The following CLASRP variants were observed in gnomAD, a reference collection of about 807,000 sequenced individuals.
CLASRP encodes the protein CLK4-associating serine/arginine rich protein.
A neutral mutation model predicts 99.9 loss-of-function variants in CLASRP; 52 were observed. The ratio of observed to expected loss-of-function variants is 0.52; its 90% CI spans 0.42 to 0.66. The LOEUF (loss-of-function observed/expected upper bound fraction) is 0.66, where lower values mean the gene tolerates loss of function less well. CLASRP is among the 30% of genes least tolerant of loss of function. The probability of loss-of-function intolerance (pLI) is 0.00; values close to 1 mark genes in which losing one functional copy is unlikely to be tolerated. For missense variants in CLASRP, 848 were observed against 999.2 expected (o/e 0.85, Z 2.04); for synonymous variants, 379 against 373.0 (o/e 1.02, Z -0.18).
At chr19:45,069,322 C>A in intron 18 of CLASRP, 74 bp downstream of exon 18, 1 of 1,476,926 alleles carries the variant, frequency 6.8e-7, no homozygotes, top group Non-Finnish European at 9.4e-7. Flanking sequence ...GGGCTGCTGG[C>A]TCAAGCCCTG....
intron 15 of CLASRP, 176 bp from the exon 16 acceptor site, chr19:45,068,244 C>T: frequency 1.5e-6 from 1 of 663,028 alleles, no homozygotes; most frequent in Non-Finnish European, 2.8e-6. Context: ...ACTGGGGCTC[C>T]ACCTGTCACT....
chr19:45,057,443 G>C (rs541850913), intron 6 of CLASRP, among the ~76,000 whole-genome samples: 1 of 152,332 alleles, frequency 6.6e-6, no homozygotes, highest in East Asian at 1.9e-4. Flanking sequence ...GCCCTTGTGG[G>C]ACTCATGGTC....
rs757098464 is a variant in CLASRP, at chr19:45,070,084, G to A, written c.1937G>A (p.Arg646His). Residue 646 changes from arginine (R) to histidine (H), a missense_variant, in exon 19 of 21, where the codon CGC becomes CAC. By Grantham distance (29) the Arg-to-His change is conservative. This residue lies in a region of CLASRP where 116 missense variants were observed against 162.7 expected (regional missense o/e 0.71). Transcript: ENST00000221455. Reference sequence around the variant, plus strand: ...GAACGCCAGTACAGCCGGCAGAGCCGCTCACCCTCCCCCCGATACAGTGAG... The same window carrying A: ...GAACGCCAGTACAGCCGGCAGAGCCACTCACCCTCCCCCCGATACAGTGAG... ...EWERQYSRQSRSPSPRYSREY... is the reference protein window; with the variant it reads ...EWERQYSRQSHSPSPRYSREY... 9 of 1,599,066 alleles carry A rather than the reference G, an allele frequency of 5.6e-6. No homozygotes were observed. Among genetic ancestry groups the A allele is most frequent in the Non-Finnish European group, 7.7e-6 (9 of 1,166,448 alleles).
rs1165324909 is a variant in CLASRP at position 45,067,253 on chromosome 19, G to C, written c.1410-84G>C. On this transcript the variant is annotated intron_variant, in intron 13 of 20. Transcript: ENST00000221455. The surrounding 1 kb of genome is among the most constrained non-coding windows in gnomAD (Gnocchi z 4.9). Reference sequence around the variant, plus strand: ...GTCACCCTGGGCCTTGCAGGAAGGAGGACTGTGGATCCGGACCCAGGGTGG... The same window carrying C: ...GTCACCCTGGGCCTTGCAGGAAGGACGACTGTGGATCCGGACCCAGGGTGG... 1 of 1,397,928 alleles carries C rather than the reference G, an allele frequency of 7.2e-7. No individual in the cohort carries two copies. The highest frequency in any genetic ancestry group is 9.4e-7 in the Non-Finnish European group (1 of 1,064,908). 86.6% of individuals were successfully genotyped at this position (1,397,928 alleles called of 1,614,324 possible). A position where few individuals can be genotyped will look rare whatever the true frequency, so the allele number is the denominator to read the frequency against.
intron 6 of CLASRP, 82 bp from the exon 7 acceptor site, chr19:45,057,668 A>T: frequency 6.6e-7 from 1 of 1,522,952 alleles, no homozygotes; most frequent in Non-Finnish European, 9.0e-7. Context: ...GGGCCGTGGC[A>T]CTCGAGACTG....
At chr19:45,040,501 T>C in intron 2 of CLASRP, 190 bp downstream of exon 2, 1 of 493,366 alleles carries the variant, frequency 2.0e-6, no homozygotes, top group African/African-American at 2.0e-5. Flanking sequence ...TGTAGCATAC[T>C]GTGTCGTTTG....
chr19:45,047,048 G>C (rs960204591), intron 2 of CLASRP, among the ~76,000 whole-genome samples: 1 of 151,964 alleles, frequency 6.6e-6, no homozygotes, highest in African/African-American at 2.4e-5. Context: ...AGTGGATTTT[G>C]GATCTTGAAG....
chr19:45,065,983 A>G (rs1967077747), intron 13 of CLASRP, among the ~76,000 whole-genome samples: 2 of 152,290 alleles, frequency 1.3e-5, no homozygotes, highest in Non-Finnish European at 2.9e-5. Context: ...GGGGCCAGGT[A>G]GAGATCCTGC....
intron 19 of CLASRP, 31 bp downstream of exon 19, chr19:45,070,135 G>A: frequency 1.5e-6 from 2 of 1,369,160 alleles, no homozygotes. Context: ...GCAGGGCTCT[G>A]GGGCTTTAAA....
At position 45,070,566 on chromosome 19, in the gene CLASRP, G is replaced by A. The variant is rs1967217244; in HGVS notation, c.1982+5G>A. 2 of 1,613,066 alleles carry A rather than the reference G, an allele frequency of 1.2e-6. No homozygotes were observed. The highest frequency in any genetic ancestry group is 1.1e-5 in the South Asian group (1 of 91,070). ...AGAATACAGCTCTTCTCGAAGGTAA[G>A]GAAGCCCATGACCCTCCACTTTCTT... On this transcript the variant is annotated splice_donor_5th_base_variant and intron_variant, in intron 20 of 20. Coordinates refer to ENST00000221455, the MANE Select transcript of CLASRP (RefSeq NM_007056.3).
chr19:45,047,330 T>C (rs1971937857), intron 2 of CLASRP: 1 of 149,554 alleles, frequency 6.7e-6, no homozygotes, highest in African/African-American at 2.5e-5. Context: ...AAACCTTGCT[T>C]GAGCCCAGGA....
At chr19:45,046,182 G>A (rs1437295085) in intron 2 of CLASRP, among the ~76,000 whole-genome samples, 2 of 152,172 alleles carry the variant, frequency 1.3e-5, no homozygotes, top group Admixed American at 6.5e-5. Context: ...GCCTTGGGCC[G>A]AGAGCAGAGG....
chr19:45,063,556 G>A (rs577366582), intron 11 of CLASRP, among the ~76,000 whole-genome samples: 7 of 146,562 alleles, frequency 4.8e-5, no homozygotes, highest in South Asian at 4.3e-4. Flanking sequence ...AGCAGTTCTC[G>A]TGCCCTCAGC....
rs758072117 is a variant in CLASRP at position 45,059,281 on chromosome 19, C to T, written c.627C>T (p.Asp209=). The T allele has an allele frequency of 8.7e-6, 14 of 1,610,200 alleles. No individual in the cohort carries two copies. The Admixed American group carries it at 1.2e-4, about 14-fold the overall frequency. Residue 209 remains aspartate, a synonymous_variant, in exon 8 of 21, where the codon GAC becomes GAT. Transcript: ENST00000221455. Reference sequence around the variant, plus strand: ...CTCTTGGTGCAGACGTGGAGGTGGACGTGGATGAATTGAACCAGGAGCAGG... The same window carrying T: ...CTCTTGGTGCAGACGTGGAGGTGGATGTGGATGAATTGAACCAGGAGCAGG... ...EVIPDIDVEV[D]VDELNQEQVA... is the part of the protein sequence containing the mutation.
At chr19:45,061,657 A>G (rs66939386) in intron 10 of CLASRP, among the ~76,000 whole-genome samples, 60,269 of 151,840 alleles carry the variant, frequency 0.4, 13,144 homozygotes, top group Non-Finnish European at 0.49. Flanking sequence ...AATACTTAGT[A>G]GAGATGGGGT....
chr19:45,044,242 G>T (rs1015613099), intron 2 of CLASRP, among the ~76,000 whole-genome samples: 1 of 152,208 alleles, frequency 6.6e-6, no homozygotes. Flanking sequence ...GCTTGGCATA[G>T]TAGTCCTCTG....
At chr19:45,063,052 GT>G (rs1218200348) in intron 11 of CLASRP, among the ~76,000 whole-genome samples, 11 of 152,262 alleles carry the variant, frequency 7.2e-5, no homozygotes, top group African/African-American at 2.4e-4. Context: ...GAGATAAGGT[GT>G]TGAATGGCTT....
chr19:45,069,284 C>T (rs1032519606), intron 18 of CLASRP, 36 bp downstream of exon 18: 2 of 1,603,660 alleles, frequency 1.2e-6, no homozygotes, highest in African/African-American at 1.3e-5. Context: ...ATGGCCACAC[C>T]TCCTGGCCTG....
chr19:45,068,502 C>T, intron 16 of CLASRP, 22 bp downstream of exon 16: 1 of 1,563,556 alleles, frequency 6.4e-7, no homozygotes, highest in Non-Finnish European at 8.8e-7. Context: ...CCTGTCCCTC[C>T]AGGGTTTCAC....
Sources: allele counts gnomAD v4.1 joint callset (sites outside exome capture counted in the v4.1 genomes callset), GRCh38; gene constraint gnomAD v4.1.1; regional missense constraint gnomAD v4.1.1; non-coding constraint Gnocchi (gnomAD v3.1); transcripts MANE v1.5; gene names NCBI Gene and HGNC (gene_info 2026-07-23, HGNC 2026-07-21).